The following NRXN3 variants were observed in gnomAD, a reference collection of about 807,000 sequenced individuals.
The protein encoded by NRXN3 is neurexin III.
NRXN3 carries 32 observed loss-of-function variants against 137.6 expected under a neutral mutation model. That is an observed-to-expected ratio of 0.23 (90% CI 0.18 to 0.31). The LOEUF (loss-of-function observed/expected upper bound fraction) is 0.31. Ranked by LOEUF, NRXN3 falls within the 10% of genes least tolerant of loss-of-function variation. The pLI is 1.00. For missense variants in NRXN3, 1,574 were observed against 2,062.5 expected (o/e 0.76, Z 4.59); for synonymous variants, 798 against 784.5 (o/e 1.02, Z -0.29).
At chr14:79,206,266 G>A (rs961541996) in intron 15 of NRXN3, among the ~76,000 whole-genome samples, 112 of 152,254 alleles carry the variant, frequency 7.4e-4, no homozygotes, top group African/African-American at 2.5e-3. Flanking sequence ...GGATTTGCAC[G>A]TATTAATCCT....
At chr14:78,861,045 C>G (rs968530106) in intron 10 of NRXN3, among the ~76,000 whole-genome samples, 1 of 151,896 alleles carries the variant, frequency 6.6e-6, no homozygotes, top group Non-Finnish European at 1.5e-5. Context: ...TCTAGGTGAT[C>G]GTTATATATG....
At chr14:78,521,614 G>T (rs895735955) in intron 4 of NRXN3, among the ~76,000 whole-genome samples, 5 of 152,252 alleles carry the variant, frequency 3.3e-5, no homozygotes, top group African/African-American at 7.2e-5. Flanking sequence ...ATATAAGTTT[G>T]TGGATGGGGA....
At chr14:78,829,677 A>G (rs1277223559) in intron 10 of NRXN3, among the ~76,000 whole-genome samples, 1 of 152,116 alleles carries the variant, frequency 6.6e-6, no homozygotes, top group East Asian at 1.9e-4. Context: ...CTATATTGTA[A>G]TTTTCTGAAG....
intron 16 of NRXN3, among the ~76,000 whole-genome samples, chr14:79,508,031 T>C (rs2096894411): frequency 2.0e-5 from 3 of 152,258 alleles, no homozygotes; most frequent in South Asian, 4.1e-4. Context: ...TATGGAGTAA[T>C]TGAGAGCCTT....
chr14:78,694,092 C>T lies in NRXN3; in HGVS notation c.1222-15125C>T, dbSNP rs751705124. On this transcript the variant is annotated intron_variant, in intron 6 of 20. Coordinates refer to ENST00000335750, the MANE Select transcript of NRXN3 (RefSeq NM_001330195.2). ...CCTTTCAAAGGCATTTCTGATTGCC[C>T]CTTCCCTCTGCCCACAGCTTGAATT... Among the ~76,000 whole-genome samples, 32 of 152,024 alleles carry T rather than the reference C, an allele frequency of 2.1e-4. No individual in the cohort carries two copies. In the Middle Eastern group the frequency reaches 0.017, roughly 81 times the overall value.
intron 15 of NRXN3, among the ~76,000 whole-genome samples, chr14:79,320,095 A>C (rs894451245): frequency 2.6e-5 from 4 of 152,190 alleles, no homozygotes; most frequent in African/African-American, 9.6e-5. Flanking sequence ...ATTCAGATTA[A>C]AATATAAAGT....
At chr14:78,793,627 G>T (rs2098812188) in intron 8 of NRXN3, among the ~76,000 whole-genome samples, 1 of 152,204 alleles carries the variant, frequency 6.6e-6, no homozygotes, top group African/African-American at 2.4e-5. Flanking sequence ...CAACACACAT[G>T]AAGTGTTGTC....
intron 16 of NRXN3, among the ~76,000 whole-genome samples, chr14:79,535,351 G>A (rs764937746): frequency 6.6e-6 from 1 of 152,114 alleles, no homozygotes; most frequent in Non-Finnish European, 1.5e-5. Flanking sequence ...TAGCATCACC[G>A]GGAGAATGAG....
At chr14:79,178,301 G>C (rs1393331054) in intron 15 of NRXN3, among the ~76,000 whole-genome samples, 1 of 152,104 alleles carries the variant, frequency 6.6e-6, no homozygotes, top group Non-Finnish European at 1.5e-5. Flanking sequence ...GTTAAATGCT[G>C]AGCTCATTTT....
chr14:79,094,977 A>AGTGTGTGTGTGTGTGTGTGTGT (rs1409965478), intron 15 of NRXN3, among the ~76,000 whole-genome samples: 1 of 99,526 alleles, frequency 1.0e-5, no homozygotes, highest in African/African-American at 3.2e-5. Context: ...AGAGAGAGAG[A>AGTGTGTGTGTGTGTGTGTGTGT]GAGTGTGTGT....
intron 4 of NRXN3, among the ~76,000 whole-genome samples, chr14:78,319,829 C>T (rs1443442780): frequency 6.6e-6 from 1 of 152,092 alleles, no homozygotes; most frequent in African/African-American, 2.4e-5. Context: ...TGTATAATCC[C>T]CTGGGAAGAA....
intron 3 of NRXN3, among the ~76,000 whole-genome samples, chr14:78,291,514 T>C (rs1219342039): frequency 1.3e-5 from 2 of 152,214 alleles, no homozygotes; most frequent in African/African-American, 4.8e-5. Flanking sequence ...CAAGCCACTT[T>C]CCTCTTTAAA....
At chr14:79,773,237 A>G (rs2099085084) in intron 19 of NRXN3, among the ~76,000 whole-genome samples, 1 of 152,200 alleles carries the variant, frequency 6.6e-6, no homozygotes, top group African/African-American at 2.4e-5. Flanking sequence ...TCAGGGATCA[A>G]GAACTAGAAA....
intron 15 of NRXN3, among the ~76,000 whole-genome samples, chr14:79,012,472 T>C (rs1306340964): frequency 1.3e-5 from 2 of 152,156 alleles, no homozygotes; most frequent in African/African-American, 2.4e-5. Flanking sequence ...TAGAGCATAA[T>C]AATGCATATG....
At chr14:79,378,645 A>T (rs1454339256) in intron 15 of NRXN3, among the ~76,000 whole-genome samples, 3 of 152,188 alleles carry the variant, frequency 2.0e-5, no homozygotes, top group Non-Finnish European at 4.4e-5. Context: ...TACACTGTGA[A>T]ATTTAGCAAA....
At chr14:79,092,998 G>A (rs2152811738) in intron 15 of NRXN3, among the ~76,000 whole-genome samples, 1 of 152,168 alleles carries the variant, frequency 6.6e-6, no homozygotes, top group South Asian at 2.1e-4. Context: ...TATGTCATCT[G>A]GATTCACTCA....
At chr14:78,280,499 C>T (rs1466321913) in intron 3 of NRXN3, among the ~76,000 whole-genome samples, 1 of 152,088 alleles carries the variant, frequency 6.6e-6, no homozygotes, top group Non-Finnish European at 1.5e-5. Context: ...TCCAACACCT[C>T]GTTTTGTTTG....
At chr14:78,488,002 C>T (rs1343396363) in intron 4 of NRXN3, among the ~76,000 whole-genome samples, 2 of 152,096 alleles carry the variant, frequency 1.3e-5, no homozygotes, top group Non-Finnish European at 1.5e-5. Flanking sequence ...TTCATTTTCT[C>T]ACAGTTCTGG....
At chr14:78,595,876 CA>C (rs1208276848) in intron 4 of NRXN3, among the ~76,000 whole-genome samples, 3 of 152,164 alleles carry the variant, frequency 2.0e-5, no homozygotes, top group Admixed American at 1.3e-4. Context: ...GATATTGAGA[CA>C]GGCTACATAT....
Sources: gnomAD v4.1 joint callset for allele counts (sites outside exome capture counted in the v4.1 genomes callset) on GRCh38, gnomAD v4.1.1 for gene constraint, MANE v1.5 for transcripts, NCBI Gene and HGNC (gene_info 2026-07-23, HGNC 2026-07-21) for gene names.